The following GARIN2 variants were observed in gnomAD, a reference collection of about 807,000 sequenced individuals.
GARIN2 encodes golgi associated RAB2 interactor family member 2, also known as Golgi-associated RAB2 interactor protein 2.
At chr14:67,221,874 T>A in the GARIN2 span, 2 of 1,585,104 alleles carry the variant, frequency 1.3e-6, no homozygotes, top group Non-Finnish European at 1.7e-6. Flanking sequence ...CTCTGGTTCC[T>A]AGAAGAGTAG....
chr14:67,225,252 A>G, the GARIN2 span: 1 of 1,513,054 alleles, frequency 6.6e-7, no homozygotes, highest in African/African-American at 1.4e-5. Context: ...AAAAACATGT[A>G]AGACAAACTA....
At chr14:67,204,068 C>G in the GARIN2 span, among the ~76,000 whole-genome samples, 2,993 of 152,168 alleles carry the variant, frequency 0.02, 41 homozygotes, top group Middle Eastern at 0.034. Flanking sequence ...TGAGATGGTT[C>G]TCAGGAGCCC....
the GARIN2 span, among the ~76,000 whole-genome samples, chr14:67,202,298 G>A: frequency 3.9e-5 from 6 of 152,174 alleles, no homozygotes; most frequent in Middle Eastern, 3.4e-3. Flanking sequence ...AAAATTAGCC[G>A]GGCTTGGTGG....
chr14:67,227,630 G>A, the GARIN2 span: 2 of 151,750 alleles, frequency 1.3e-5, no homozygotes, highest in Non-Finnish European at 2.9e-5. Context: ...AAAGTTATTT[G>A]GACTCTTATT....
chr14:67,217,318 A>G, the GARIN2 span, among the ~76,000 whole-genome samples: 2 of 152,126 alleles, frequency 1.3e-5, no homozygotes, highest in Non-Finnish European at 2.9e-5. Flanking sequence ...AGTAAGTTTC[A>G]TGTAGGCAGC....
At chr14:67,210,195 A>G in the GARIN2 span, among the ~76,000 whole-genome samples, 1 of 152,266 alleles carries the variant, frequency 6.6e-6, no homozygotes, top group Non-Finnish European at 1.5e-5. Flanking sequence ...AAGTAATCCA[A>G]ATGCTCACAA....
At chr14:67,200,218 G>A in the GARIN2 span, 1 of 1,067,720 alleles carries the variant, frequency 9.4e-7, no homozygotes, top group Non-Finnish European at 1.3e-6. Context: ...GGATACACTG[G>A]CCCTCCACAA....
chr14:67,208,757 C>T, the GARIN2 span, among the ~76,000 whole-genome samples: 6 of 152,050 alleles, frequency 3.9e-5, no homozygotes, highest in African/African-American at 1.4e-4. Context: ...ATTAGCCAGG[C>T]GCGGTGGCGG....
At chr14:67,189,742 G>A in the GARIN2 span, 1 of 151,762 alleles carries the variant, frequency 6.6e-6, no homozygotes, top group Admixed American at 6.6e-5. Context: ...AAAGCCGAGA[G>A]ACTTAACACC....
At chr14:67,203,962 T>A in the GARIN2 span, among the ~76,000 whole-genome samples, 1 of 152,208 alleles carries the variant, frequency 6.6e-6, no homozygotes. Context: ...TCCACCCGCC[T>A]TGGCCTCCCA....
At chr14:67,203,113 C>T in the GARIN2 span, 3 of 1,613,268 alleles carry the variant, frequency 1.9e-6, no homozygotes, top group African/African-American at 2.7e-5. Flanking sequence ...AGAGGTGAAT[C>T]CATTTACCTT....
At chr14:67,192,196 A>T in the GARIN2 span, among the ~76,000 whole-genome samples, 1 of 152,248 alleles carries the variant, frequency 6.6e-6, no homozygotes, top group Non-Finnish European at 1.5e-5. Flanking sequence ...CAAAAGGCAA[A>T]CATTGTTGGA....
chr14:67,200,394 A>G, the GARIN2 span: 2 of 587,442 alleles, frequency 3.4e-6, no homozygotes, highest in East Asian at 3.4e-5. Flanking sequence ...CCAATCAGAG[A>G]TGCTGTAGCT....
chr14:67,208,571 T>A, the GARIN2 span: 1 of 1,052,920 alleles, frequency 9.5e-7, no homozygotes, highest in Non-Finnish European at 1.3e-6. Context: ...AGATGTAGTG[T>A]AACTGAATGA....
At chr14:67,203,371 G>C in the GARIN2 span, 1 of 1,213,498 alleles carries the variant, frequency 8.2e-7, no homozygotes, top group Admixed American at 2.7e-5. Context: ...CGGAAACACT[G>C]ATGACAATTG....
the GARIN2 span, among the ~76,000 whole-genome samples, chr14:67,198,714 G>T: frequency 6.6e-6 from 1 of 152,164 alleles, no homozygotes; most frequent in Non-Finnish European, 1.5e-5. Flanking sequence ...TAGTTCTGAA[G>T]GTAAATTGTC....
the GARIN2 span, among the ~76,000 whole-genome samples, chr14:67,193,589 A>C: frequency 6.9e-6 from 1 of 145,352 alleles, no homozygotes; most frequent in Non-Finnish European, 1.5e-5. Context: ...ATATAGATAT[A>C]GATATATATC....
At chr14:67,218,711 G>T in the GARIN2 span, among the ~76,000 whole-genome samples, 14 of 152,006 alleles carry the variant, frequency 9.2e-5, no homozygotes, top group Non-Finnish European at 1.9e-4. Flanking sequence ...GTTTCTTTGT[G>T]CCCTAAGCAC....
At chr14:67,212,962 A>T in the GARIN2 span, among the ~76,000 whole-genome samples, 4 of 151,856 alleles carry the variant, frequency 2.6e-5, no homozygotes, top group Non-Finnish European at 5.9e-5. Flanking sequence ...TAAGGTTTCT[A>T]TATGAGTTGT....
Sources: allele counts gnomAD v4.1 joint callset (sites outside exome capture counted in the v4.1 genomes callset), GRCh38; gene constraint gnomAD v4.1.1; transcripts MANE v1.5; gene names NCBI Gene and HGNC (gene_info 2026-07-23, HGNC 2026-07-21).